LRP1B: variants seen among roughly 807,000 people sequenced by gnomAD.
The protein encoded by LRP1B is low-density lipoprotein receptor-related protein 1B.
In LRP1B, 217 loss-of-function variants were observed where a neutral mutation model predicts 556.6. That is an observed-to-expected ratio of 0.39 (90% CI 0.35 to 0.44). LRP1B has a LOEUF of 0.44. Ranked by LOEUF, LRP1B falls within the 20% of genes least tolerant of loss-of-function variation. The pLI, the probability that LRP1B is intolerant of heterozygous loss-of-function variation, is 1.00. For missense variants in LRP1B, 5,053 were observed against 5,620.8 expected (o/e 0.90, Z 3.23); for synonymous variants, 2,047 against 1,865.8 (o/e 1.10, Z -2.50).
At chr2:140,252,105 A>AAAAAAC (rs1681463588) in intron 86 of LRP1B, among the ~76,000 whole-genome samples, 3 of 149,042 alleles carry the variant, frequency 2.0e-5, no homozygotes, top group African/African-American at 7.4e-5. Context: ...AAAACAAAAA[A>AAAAAAC]AAACAGAAAA....
At chr2:140,864,795 C>A (rs779735032) in intron 27 of LRP1B, among the ~76,000 whole-genome samples, 1 of 151,930 alleles carries the variant, frequency 6.6e-6, no homozygotes, top group Non-Finnish European at 1.5e-5. Context: ...TGATTAAACT[C>A]AACGTTTACA....
rs2104890624 is a variant in LRP1B, at chr2:140,501,704, G to T, written c.8833C>A (p.Leu2945Ile). 6.2e-7 allele frequency: 1 copy of T among 1,610,024 alleles called. No homozygotes were observed. Among genetic ancestry groups the T allele is most frequent in the Non-Finnish European group, 8.5e-7 (1 of 1,177,716 alleles). Residue 2945 changes from leucine to isoleucine, a missense_variant, in exon 55 of 91, where the codon CTT becomes ATT. Leu to Ile is a conservative substitution (Grantham distance 5). Around this residue, in one of 5 missense-constraint regions of LRP1B, gnomAD observed 3,619 missense variants for 3,931.9 expected, o/e 0.92. Transcript: ENST00000389484. ...VSGCSQDCQDLPVSYKCKCWP... is the reference protein window; with the variant it reads ...VSGCSQDCQDIPVSYKCKCWP... ...GTACCTACCTTATAACTGACCGGAAGGTCTTGACAGTCTTGAGAACATCCA... is the reference window on the plus strand; with the variant it reads ...GTACCTACCTTATAACTGACCGGAATGTCTTGACAGTCTTGAGAACATCCA...
intron 1 of LRP1B, among the ~76,000 whole-genome samples, chr2:141,875,718 A>G (rs943415909): frequency 2.0e-5 from 3 of 151,972 alleles, no homozygotes; most frequent in African/African-American, 7.2e-5. Flanking sequence ...GGTAGTCTAT[A>G]TTTGAGTTCA....
chr2:141,993,356 C>T (rs901578872), intron 1 of LRP1B, among the ~76,000 whole-genome samples: 3 of 152,134 alleles, frequency 2.0e-5, no homozygotes, highest in Non-Finnish European at 2.9e-5. Flanking sequence ...CAAACCACCT[C>T]ACTGAGGCCT....
At chr2:140,837,266 C>T (rs1257045370) in intron 31 of LRP1B, among the ~76,000 whole-genome samples, 1 of 152,128 alleles carries the variant, frequency 6.6e-6, no homozygotes, top group African/African-American at 2.4e-5. Context: ...GTAACTTGCT[C>T]AAGGGCACTG....
chr2:141,558,919 A>G (rs1686050337), intron 2 of LRP1B, among the ~76,000 whole-genome samples: 1 of 151,772 alleles, frequency 6.6e-6, no homozygotes, highest in South Asian at 2.1e-4. Flanking sequence ...TGATAAATAG[A>G]GGTACCTCAT....
intron 2 of LRP1B, among the ~76,000 whole-genome samples, chr2:141,801,117 C>CAGAATTGATTCA (rs1243773517): frequency 6.6e-5 from 10 of 151,940 alleles, no homozygotes; most frequent in Admixed American, 2.6e-4. Context: ...ACCCAATGAT[C>CAGAATTGATTCA]GATTCAGAAT....
At chr2:141,429,453 T>A (rs1031380523) in intron 3 of LRP1B, among the ~76,000 whole-genome samples, 4 of 152,092 alleles carry the variant, frequency 2.6e-5, no homozygotes, top group Admixed American at 2.6e-4. Flanking sequence ...GGGGGAAAAT[T>A]TTGTCTTGGT....
At chr2:140,457,017 T>G (rs1290943403) in intron 61 of LRP1B, among the ~76,000 whole-genome samples, 1 of 152,134 alleles carries the variant, frequency 6.6e-6, no homozygotes, top group Non-Finnish European at 1.5e-5. Flanking sequence ...AGGAAAATAA[T>G]CAAACCTTTA....
At chr2:141,624,049 A>G (rs1010134493) in intron 2 of LRP1B, among the ~76,000 whole-genome samples, 15 of 149,480 alleles carry the variant, frequency 1.0e-4, no homozygotes, top group African/African-American at 3.2e-4. Context: ...AAAAAAAAAG[A>G]AAAGAAAAAA....
rs1686059707 is a variant in LRP1B, at chr2:140,686,558, T to C, written c.6799+13692A>G. Among the ~76,000 whole-genome samples the C allele has an allele frequency of 2.6e-5, 4 of 151,932 alleles. No individual in the cohort carries two copies. In the South Asian group the frequency reaches 8.3e-4, roughly 31 times the overall value. On this transcript the variant is annotated intron_variant, in intron 41 of 90. Coordinates refer to ENST00000389484, the MANE Select transcript of LRP1B (RefSeq NM_018557.3). ...GTTGGATCCTGACTGGGAAGAAAAG[T>C]AATACTTTTATTGATGAAAATAGGA...
At chr2:141,531,601 T>G (rs1684872759) in intron 2 of LRP1B, among the ~76,000 whole-genome samples, 1 of 152,134 alleles carries the variant, frequency 6.6e-6, no homozygotes, top group Non-Finnish European at 1.5e-5. Flanking sequence ...GATTGCTGCT[T>G]AACCAAGAGC....
chr2:140,473,417 C>A (rs1030031212), intron 60 of LRP1B, among the ~76,000 whole-genome samples: 1 of 151,918 alleles, frequency 6.6e-6, no homozygotes, highest in East Asian at 1.9e-4. Flanking sequence ...CTATTTAATA[C>A]ATTTAGTACC....
intron 41 of LRP1B, among the ~76,000 whole-genome samples, chr2:140,648,756 A>C (rs1052466707): frequency 2.0e-5 from 3 of 152,190 alleles, no homozygotes; most frequent in African/African-American, 7.2e-5. Flanking sequence ...GAATGGTGTG[A>C]GATCCCAGGA....
At chr2:141,843,136 T>C (rs918108960) in intron 1 of LRP1B, among the ~76,000 whole-genome samples, 2 of 152,132 alleles carry the variant, frequency 1.3e-5, no homozygotes, top group Non-Finnish European at 2.9e-5. Context: ...GTTTCTTCTG[T>C]TCTTTTTTGT....
chr2:140,825,638 G>A (rs970783130), intron 31 of LRP1B, among the ~76,000 whole-genome samples: 4 of 151,998 alleles, frequency 2.6e-5, no homozygotes, highest in Non-Finnish European at 4.4e-5. Flanking sequence ...AATATTAGTC[G>A]TAACATAATC....
chr2:141,345,448 C>T (rs150894849), intron 3 of LRP1B, among the ~76,000 whole-genome samples: 1 of 151,888 alleles, frequency 6.6e-6, no homozygotes. Flanking sequence ...TCATGCTAGG[C>T]CTGAGACAAC....
intron 32 of LRP1B, among the ~76,000 whole-genome samples, chr2:140,802,099 C>G (rs1359164339): frequency 6.6e-6 from 1 of 152,050 alleles, no homozygotes; most frequent in Non-Finnish European, 1.5e-5. Flanking sequence ...AAAATAATCA[C>G]GAGAGGAGCT....
intron 2 of LRP1B, among the ~76,000 whole-genome samples, chr2:141,635,566 A>G (rs1227170115): frequency 6.6e-6 from 1 of 152,182 alleles, no homozygotes; most frequent in African/African-American, 2.4e-5. Flanking sequence ...TGTGGAAGAG[A>G]TTTTTATTAA....
Sources: allele counts gnomAD v4.1 joint callset (sites outside exome capture counted in the v4.1 genomes callset), GRCh38; gene constraint gnomAD v4.1.1; regional missense constraint gnomAD v4.1.1; transcripts MANE v1.5; gene names NCBI Gene and HGNC (gene_info 2026-07-23, HGNC 2026-07-21).